PACSIN1: variants seen among roughly 807,000 people sequenced by gnomAD.
PACSIN1 encodes the protein protein kinase C and casein kinase substrate in neurons 1.
PACSIN1 carries 15 observed loss-of-function variants against 59.5 expected under a neutral mutation model. The observed-to-expected ratio is 0.25, with a 90% CI of 0.17 to 0.39. The LOEUF is 0.39. Ranked by LOEUF, PACSIN1 falls within the 10% of genes least tolerant of loss-of-function variation. PACSIN1 has a pLI of 1.00. For synonymous variants in PACSIN1, 210 were observed against 220.6 expected (o/e 0.95, Z 0.42); for missense variants, 420 against 580.2 (o/e 0.72, Z 2.84).
intron 1 of PACSIN1, among the ~76,000 whole-genome samples, chr6:34,476,941 G>A (rs1234664022): frequency 6.6e-6 from 1 of 152,214 alleles, no homozygotes; most frequent in Non-Finnish European, 1.5e-5. Flanking sequence ...GGGCATCTAT[G>A]AGGCAGTAGC....
At chr6:34,484,792 AAT>A (rs1011356973) in intron 1 of PACSIN1, among the ~76,000 whole-genome samples, 13 of 152,040 alleles carry the variant, frequency 8.6e-5, no homozygotes, top group Admixed American at 1.3e-4. Flanking sequence ...TTAATTAAAA[AAT>A]ATATATATAT....
intron 3 of PACSIN1, 28 bp downstream of exon 3, chr6:34,527,516 GC>G: frequency 1.9e-6 from 3 of 1,554,694 alleles, no homozygotes; most frequent in East Asian, 2.4e-5. Context: ...CATCGTGCGC[GC>G]CCCCAGGCCG....
intron 1 of PACSIN1, among the ~76,000 whole-genome samples, chr6:34,513,455 T>G (rs569952067): frequency 6.6e-6 from 1 of 152,224 alleles, no homozygotes; most frequent in South Asian, 2.1e-4. Context: ...GGTGCTGGGC[T>G]GGGAATAGCA....
At chr6:34,520,833 G>T (rs895486354) in intron 1 of PACSIN1, among the ~76,000 whole-genome samples, 1 of 151,962 alleles carries the variant, frequency 6.6e-6, no homozygotes, top group Non-Finnish European at 1.5e-5. Flanking sequence ...GCCCGGCTTG[G>T]AGACAGAGGG....
chr6:34,473,546 G>A (rs536897595), intron 1 of PACSIN1, among the ~76,000 whole-genome samples: 2 of 152,166 alleles, frequency 1.3e-5, no homozygotes, highest in South Asian at 2.1e-4. Context: ...CTGGGTTCCC[G>A]GGGTCTAGCC....
chr6:34,526,142 G>A, intron 1 of PACSIN1, 101 bp from the exon 2 acceptor site: 2 of 596,910 alleles, frequency 3.4e-6, no homozygotes, highest in African/African-American at 1.9e-5. Flanking sequence ...CCTAATGCAA[G>A]CCTCCCTGGG....
intron 1 of PACSIN1, among the ~76,000 whole-genome samples, chr6:34,468,586 T>C (rs1038519861): frequency 1.3e-5 from 2 of 152,174 alleles, no homozygotes; most frequent in Admixed American, 1.3e-4. Flanking sequence ...CTCAAGCAAG[T>C]GGGGCTTCTG....
Position 34,529,294 on chromosome 6 carries a change from G to A in PACSIN1, c.457-103G>A. The A allele has an allele frequency of 7.9e-7, 1 of 1,266,480 alleles. No individual in the cohort carries two copies. Among genetic ancestry groups the A allele is most frequent in the Non-Finnish European group, 1.1e-6 (1 of 900,386 alleles). 78.5% of individuals were successfully genotyped at this position (1,266,480 alleles called of 1,614,324 possible). ...TCCCTTCTGGCTCTTAAGAGTGTGG[G>A]CTCACAGGTCCCAGGGAGTGGGCAG... On this transcript the variant is annotated intron_variant, in intron 4 of 9. Coordinates refer to ENST00000244458, the MANE Select transcript of PACSIN1 (RefSeq NM_020804.5). This position sits in a 1 kb window ranked among gnomAD's most constrained non-coding sequence, Gnocchi z 6.3.
intron 1 of PACSIN1, among the ~76,000 whole-genome samples, chr6:34,468,011 C>T (rs1189141419): frequency 6.6e-6 from 1 of 152,196 alleles, no homozygotes; most frequent in African/African-American, 2.4e-5. Flanking sequence ...TCTGGCTCTC[C>T]TCAGGCCGCT....
chr6:34,528,695 G>C lies in PACSIN1; in HGVS notation c.274G>C (p.Asp92His). Residue 92 changes from aspartate (D) to histidine (H), a missense_variant, in exon 4 of 10, where the codon GAC becomes CAC. Physicochemically the swap from Asp to His is moderately conservative, Grantham distance 81 (BLOSUM62 -1). Transcript: ENST00000244458. ...CTGGGGTGCCATAATGACAGAGGCA[G>C]ACAAGGTGAGCGAGCTGCACCAGGA... Reference protein sequence around the residue: ...RAWGAIMTEADKVSELHQEVK... With the variant: ...RAWGAIMTEAHKVSELHQEVK... 6.2e-7 allele frequency: 1 copy of C among 1,614,098 alleles called. No individual in the cohort carries two copies. The highest frequency in any genetic ancestry group is 8.5e-7 in the Non-Finnish European group (1 of 1,180,038).
At chr6:34,472,430 G>A (rs1233402092) in intron 1 of PACSIN1, among the ~76,000 whole-genome samples, 2 of 152,168 alleles carry the variant, frequency 1.3e-5, no homozygotes, top group African/African-American at 2.4e-5. Context: ...GAGGCCTATC[G>A]CAGGGATCTG....
rs1407063041 is a variant in PACSIN1 at position 34,530,490 on chromosome 6, A to G, written c.940A>G (p.Thr314Ala). 6.2e-7 allele frequency: 1 copy of G among 1,607,302 alleles called. No homozygotes were observed. Among genetic ancestry groups the G allele is most frequent in the Non-Finnish European group, 8.5e-7 (1 of 1,176,954 alleles). ...EWNPDLPHTT[T>A]KKEKQPKKAE... ...GAACCCAGACCTTCCTCACACCACC[A>G]CCAAGAAGGAGAAACAGCCTAAGAA... Residue 314 changes from threonine to alanine, a missense_variant, in exon 8 of 10, where the codon ACC becomes GCC. Thr to Ala is a moderately conservative substitution (Grantham distance 58). Transcript: ENST00000244458. The surrounding 1 kb of genome is among the most constrained non-coding windows in gnomAD (Gnocchi z 4.4).
rs1205360396 is a variant in PACSIN1, at chr6:34,519,482, T to TG, written c.-63-6756dup. Among the ~76,000 whole-genome samples the TG allele has an allele frequency of 5.3e-5, 8 of 152,086 alleles. No individual in the cohort carries two copies. The East Asian group carries it at 1.6e-3, about 29-fold the overall frequency. On this transcript the variant is annotated intron_variant, in intron 1 of 9. Coordinates refer to ENST00000244458, the MANE Select transcript of PACSIN1 (RefSeq NM_020804.5). ...AGCCAGGCCTGAGATCTTCCTTTCA[T>TG]GGGGGACCTGGAGACCTGAAGGTCC...
In PACSIN1 at chr6:34,498,414, G is replaced by A. The variant is rs183614929; in HGVS notation, c.-63-27829G>A. On this transcript the variant is annotated intron_variant, in intron 1 of 9. Coordinates refer to ENST00000244458, the MANE Select transcript of PACSIN1 (RefSeq NM_020804.5). ...GGTATTTTGTTATTGAGTTGTAGAA[G>A]TTCTGTATATATTCTGAATATTAAT... Among the ~76,000 whole-genome samples, 127 of 152,172 alleles carry A rather than the reference G, an allele frequency of 8.3e-4. 1 individual carries two copies. The highest frequency in any genetic ancestry group is 1.4e-3 in the Non-Finnish European group (93 of 68,008).
intron 1 of PACSIN1, among the ~76,000 whole-genome samples, chr6:34,503,999 T>C (rs746396548): frequency 4.6e-5 from 7 of 152,132 alleles, no homozygotes; most frequent in Non-Finnish European, 7.3e-5. Flanking sequence ...TATCTTTTTG[T>C]ATAGATTTTT....
rs1265299701 is a variant in PACSIN1, at chr6:34,531,947, G to A, written c.1225+160G>A. ...AGAGAAGCTTGGGTCTGGATTGGGT[G>A]TGTGGTGGGGCAGGGGTGGTGCCTG... On this transcript the variant is annotated intron_variant, in intron 9 of 9. Transcript: ENST00000244458. This position sits in a 1 kb window ranked among gnomAD's most constrained non-coding sequence, Gnocchi z 4.4. 2.0e-5 allele frequency among the ~76,000 whole-genome samples: 3 copies of A among 152,016 alleles called. No homozygotes were observed. Among genetic ancestry groups the A allele is most frequent in the African/African-American group, 2.4e-5 (1 of 41,348 alleles).
At chr6:34,494,719 G>A (rs151247873) in intron 1 of PACSIN1, among the ~76,000 whole-genome samples, 15 of 152,248 alleles carry the variant, frequency 9.9e-5, no homozygotes, top group African/African-American at 3.1e-4. Flanking sequence ...GCTAGGCTAT[G>A]AGCCACCAAG....
intron 1 of PACSIN1, among the ~76,000 whole-genome samples, chr6:34,512,547 G>A (rs1025911028): frequency 6.6e-6 from 1 of 152,204 alleles, no homozygotes; most frequent in African/African-American, 2.4e-5. Flanking sequence ...TGGGCGCCGG[G>A]AGTCCCCACC....
At position 34,516,797 on chromosome 6, in the gene PACSIN1, G is replaced by A. The variant is rs993554891; in HGVS notation, c.-63-9446G>A. On this transcript the variant is annotated intron_variant, in intron 1 of 9. Coordinates refer to ENST00000244458, the MANE Select transcript of PACSIN1 (RefSeq NM_020804.5). The surrounding 1 kb of genome is among the most constrained non-coding windows in gnomAD (Gnocchi z 5.4). Reference sequence around the variant, plus strand: ...CCTGGCCCAATTCATTGCACACAACGTGCCCACAGCCCAGGGCACCTGCCT... The same window carrying A: ...CCTGGCCCAATTCATTGCACACAACATGCCCACAGCCCAGGGCACCTGCCT... Among the ~76,000 whole-genome samples, 5 of 152,144 alleles carry A rather than the reference G, an allele frequency of 3.3e-5. No individual in the cohort carries two copies. The highest frequency in any genetic ancestry group is 9.7e-5 in the African/African-American group (4 of 41,420).
Sources: allele counts gnomAD v4.1 joint callset (sites outside exome capture counted in the v4.1 genomes callset), GRCh38; gene constraint gnomAD v4.1.1; non-coding constraint Gnocchi (gnomAD v3.1); transcripts MANE v1.5; gene names NCBI Gene and HGNC (gene_info 2026-07-23, HGNC 2026-07-21).